The following ERLIN1 variants were observed in gnomAD, a reference collection of about 807,000 sequenced individuals.
ERLIN1 encodes erlin-1.
ERLIN1 carries 24 observed loss-of-function variants against 46.9 expected under a neutral mutation model. The ratio of observed to expected loss-of-function variants is 0.51; its 90% CI spans 0.37 to 0.72. The LOEUF (loss-of-function observed/expected upper bound fraction) is 0.72, where lower values mean the gene tolerates loss of function less well. Ranked by LOEUF, ERLIN1 falls within the 30% of genes least tolerant of loss-of-function variation. The probability of loss-of-function intolerance (pLI) is 0.00; values close to 1 mark genes in which losing one functional copy is unlikely to be tolerated. For synonymous variants in ERLIN1, 158 were observed against 143.2 expected (o/e 1.10, Z -0.74); for missense variants, 293 against 417.9 (o/e 0.70, Z 2.61).
In ERLIN1 at chr10:100,185,470, T is replaced by C. The variant is rs368364195; in HGVS notation, c.113+44A>G. 1.2e-5 allele frequency: 17 copies of C among 1,464,978 alleles called. No homozygotes were observed. In the African/African-American group the frequency reaches 1.5e-4, roughly 13 times the overall value. 90.7% of individuals were successfully genotyped at this position (1,464,978 alleles called of 1,614,324 possible). A position where few individuals can be genotyped will look rare whatever the true frequency, so the allele number is the denominator to read the frequency against. ...CCCAGACTCCACTCTGGAGTACCCT[T>C]TTAATCTGCTCTAGAGCCCTAACTG... On this transcript the variant is annotated intron_variant, in intron 1 of 10. Transcript: ENST00000421367.
At chr10:100,182,499 C>T (rs769934437) in intron 2 of ERLIN1, among the ~76,000 whole-genome samples, 6 of 152,120 alleles carry the variant, frequency 3.9e-5, no homozygotes, top group Non-Finnish European at 7.4e-5. Context: ...CTGGCGGTAA[C>T]GCTGGGTCCC....
intron 7 of ERLIN1, among the ~76,000 whole-genome samples, chr10:100,165,457 A>G (rs979012527): frequency 1.4e-5 from 2 of 143,090 alleles, no homozygotes; most frequent in Admixed American, 7.3e-5. Context: ...CACTATCTCG[A>G]CTCACTGCAA....
Position 100,159,080 on chromosome 10 carries a change from T to C in ERLIN1, c.656-2846A>G, listed in dbSNP as rs143073418. 7.5e-4 allele frequency among the ~76,000 whole-genome samples: 114 copies of C among 151,844 alleles called. 2 individuals carry two copies. Among genetic ancestry groups the C allele is most frequent in the Non-Finnish European group, 1.5e-4 (10 of 67,846 alleles). Reference sequence around the variant, plus strand: ...CCTAAAACATAATGACATAGAAAAGTTGAAAGTAAAAGAATGGGAAAAGGT... The same window carrying C: ...CCTAAAACATAATGACATAGAAAAGCTGAAAGTAAAAGAATGGGAAAAGGT... On this transcript the variant is annotated intron_variant, in intron 8 of 10. Transcript: ENST00000421367.
chr10:100,181,364 C>T (rs1332908868), intron 2 of ERLIN1, among the ~76,000 whole-genome samples: 2 of 152,066 alleles, frequency 1.3e-5, no homozygotes, highest in Non-Finnish European at 1.5e-5. Context: ...ATTGCTTTTT[C>T]TTTTTACATC....
chr10:100,155,807 C>T (rs1028471959), intron 9 of ERLIN1, among the ~76,000 whole-genome samples: 4 of 152,138 alleles, frequency 2.6e-5, no homozygotes, highest in African/African-American at 9.6e-5. Context: ...AGCCACGGCG[C>T]CCGGCCAGAG....
chr10:100,163,027 T>C (rs1231255830), intron 8 of ERLIN1, among the ~76,000 whole-genome samples: 1 of 152,038 alleles, frequency 6.6e-6, no homozygotes, highest in Non-Finnish European at 1.5e-5. Context: ...GGCCCGCTCA[T>C]AGAACGAAAA....
chr10:100,174,313 T>A, intron 5 of ERLIN1, 32 bp from the exon 6 acceptor site: 2 of 1,479,778 alleles, frequency 1.4e-6, no homozygotes, highest in Non-Finnish European at 1.8e-6. Flanking sequence ...ACAGATCTCA[T>A]GATAGTCAAT....
In ERLIN1 at chr10:100,161,659, A is replaced by G. The variant is rs530119003; in HGVS notation, c.655+2345T>C. ...GGTAAGAGAAATAGTTACACAACTCACTCTCCACATCGCAAGACTTAACAT... is the reference window on the plus strand; with the variant it reads ...GGTAAGAGAAATAGTTACACAACTCGCTCTCCACATCGCAAGACTTAACAT... On this transcript the variant is annotated intron_variant, in intron 8 of 10. Transcript: ENST00000421367. 2.6e-5 allele frequency among the ~76,000 whole-genome samples: 4 copies of G among 152,292 alleles called. No individual in the cohort carries two copies. In the East Asian group the frequency reaches 7.7e-4, roughly 29 times the overall value.
intron 10 of ERLIN1, 114 bp from the exon 11 acceptor site, chr10:100,152,466 A>G (rs895865943): frequency 5.7e-6 from 4 of 697,112 alleles, no homozygotes; most frequent in Admixed American, 4.2e-5. Flanking sequence ...TCAAGTCTGA[A>G]TAACTGCCAA....
In ERLIN1 at chr10:100,181,499, C is replaced by G. The variant is rs77193669; in HGVS notation, c.196-2252G>C. Among the ~76,000 whole-genome samples, 738 of 150,030 alleles carry G rather than the reference C, an allele frequency of 4.9e-3. 17 individuals carry two copies. In the East Asian group the frequency reaches 0.058, roughly 12 times the overall value. ...CCTAAAAATAAATTTATGTCTTACT[C>G]TCTTAAGAACACTCTTTTTTTTTTT... On this transcript the variant is annotated intron_variant, in intron 2 of 10. Coordinates refer to ENST00000421367, the MANE Select transcript of ERLIN1 (RefSeq NM_006459.4).
rs557317933 is a variant in ERLIN1, at chr10:100,159,379, A to G, written c.656-3145T>C. On this transcript the variant is annotated intron_variant, in intron 8 of 10. Transcript: ENST00000421367. The stretch of plus-strand genomic sequence containing the variant: ...GATAGGTCAAGAAGGCAAAAATTAG[A>G]AGAATACAGAAGATGTGAACAACAC... Among the ~76,000 whole-genome samples, 25 of 152,310 alleles carry G rather than the reference A, an allele frequency of 1.6e-4. No individual in the cohort carries two copies. The South Asian group carries it at 5.0e-3, about 30-fold the overall frequency.
intron 8 of ERLIN1, among the ~76,000 whole-genome samples, chr10:100,157,657 T>TC (rs1843148022): frequency 6.6e-6 from 1 of 152,180 alleles, no homozygotes; most frequent in Non-Finnish European, 1.5e-5. Flanking sequence ...AATCAATCTA[T>TC]ATTACACCAT....
intron 10 of ERLIN1, among the ~76,000 whole-genome samples, chr10:100,154,227 T>C (rs1180383981): frequency 6.6e-6 from 1 of 152,196 alleles, no homozygotes; most frequent in African/African-American, 2.4e-5. Flanking sequence ...ACCCCAGTCC[T>C]TACACCAAAT....
rs1187965686 is a variant in ERLIN1, at chr10:100,185,530, G to A, written c.97C>T (p.Leu33=). 2 of 1,613,304 alleles carry A rather than the reference G, an allele frequency of 1.2e-6. No individual in the cohort carries two copies. Among genetic ancestry groups the A allele is most frequent in the Non-Finnish European group, 1.7e-6 (2 of 1,179,338 alleles). ...GCCGCTCACCTGTAGTACACAGCCA[G>A]ATGGCCCTCCTCAATCTTGTGGATG... ...ASIHKIEEGH[L]AVYYRGGALL... Residue 33 remains leucine (L), a synonymous_variant, in exon 1 of 11, where the codon CTG becomes TTG. Coordinates refer to ENST00000421367, the MANE Select transcript of ERLIN1 (RefSeq NM_006459.4).
intron 8 of ERLIN1, 124 bp downstream of exon 8, chr10:100,163,880 T>C: frequency 1.6e-6 from 1 of 640,164 alleles, no homozygotes; most frequent in African/African-American, 1.8e-5. Context: ...ACAGTGGAGA[T>C]TCCAGAATTC....
chr10:100,177,987 T>G (rs1006475325), intron 4 of ERLIN1, 146 bp downstream of exon 4: 2 of 606,604 alleles, frequency 3.3e-6, no homozygotes, highest in Non-Finnish European at 2.9e-6. Flanking sequence ...TCTGACCTAT[T>G]TTTGCCTCTA....
Position 100,185,654 on chromosome 10 carries a change from A to G in ERLIN1, c.-28T>C. The G allele has an allele frequency of 6.4e-7, 1 of 1,574,310 alleles. No homozygotes were observed. The highest frequency in any genetic ancestry group is 8.7e-7 in the Non-Finnish European group (1 of 1,143,924). On this transcript the variant is annotated 5_prime_UTR_variant, in exon 1 of 11. Transcript: ENST00000421367. ...TCGTTCCTCCTGGGAGCGGGAGAAAAGGACCCTCAGTCCCGTGAGTGACAG... is the reference window on the plus strand; with the variant it reads ...TCGTTCCTCCTGGGAGCGGGAGAAAGGGACCCTCAGTCCCGTGAGTGACAG...
chr10:100,169,744 T>A (rs1012137112), intron 6 of ERLIN1, among the ~76,000 whole-genome samples: 1 of 152,172 alleles, frequency 6.6e-6, no homozygotes, highest in Non-Finnish European at 1.5e-5. Flanking sequence ...AAGGCTGATA[T>A]GATAAAGTAA....
intron 4 of ERLIN1, among the ~76,000 whole-genome samples, chr10:100,176,932 G>A (rs1402738700): frequency 6.6e-6 from 1 of 152,140 alleles, no homozygotes; most frequent in Non-Finnish European, 1.5e-5. Flanking sequence ...GACCAGCCTG[G>A]CCAACATGGT....
Sources: gnomAD v4.1 joint callset for allele counts (sites outside exome capture counted in the v4.1 genomes callset) on GRCh38, gnomAD v4.1.1 for gene constraint, MANE v1.5 for transcripts, NCBI Gene and HGNC (gene_info 2026-07-23, HGNC 2026-07-21) for gene names.